FAM163A: variants seen among roughly 807,000 people sequenced by gnomAD.
FAM163A encodes the protein protein FAM163A.
In FAM163A, 7 loss-of-function variants were observed where a neutral mutation model predicts 12.0. The ratio of observed to expected loss-of-function variants is 0.58; its 90% CI spans 0.33 to 1.10. The LOEUF (loss-of-function observed/expected upper bound fraction) is 1.10. Among genes scored for constraint, FAM163A ranks in the 50% least tolerant of loss-of-function variants. The probability of loss-of-function intolerance (pLI) is 0.03; values close to 1 mark genes in which losing one functional copy is unlikely to be tolerated. For missense variants in FAM163A, 202 were observed against 218.6 expected, an observed-to-expected ratio of 0.92 and a Z score of 0.48; for synonymous variants, 101 against 91.0, an observed-to-expected ratio of 1.11 and a Z score of -0.62.
upstream of FAM163A, among the ~76,000 whole-genome samples, chr1:179,739,021 T>C (rs1683322636): frequency 6.6e-6 from 1 of 152,146 alleles, no homozygotes; most frequent in Non-Finnish European, 1.5e-5. Context: ...CCCACACAAC[T>C]ATGCCCAGCT....
At chr1:179,767,095 G>A (rs1402969747) in intron 1 of FAM163A, among the ~76,000 whole-genome samples, 9 of 152,024 alleles carry the variant, frequency 5.9e-5, no homozygotes, top group Admixed American at 3.9e-4. Flanking sequence ...AGTCCTCCCT[G>A]CCATCGTTCT....
At chr1:179,748,289 T>G (rs6662973) in intron 1 of FAM163A, among the ~76,000 whole-genome samples, 8,413 of 152,276 alleles carry the variant, frequency 0.055, 327 homozygotes, top group Middle Eastern at 0.092. Flanking sequence ...GGCAGCTGCT[T>G]TTTCTTGTGC....
At chr1:179,747,742 A>G (rs1684697966) in intron 1 of FAM163A, among the ~76,000 whole-genome samples, 1 of 152,236 alleles carries the variant, frequency 6.6e-6, no homozygotes, top group Non-Finnish European at 1.5e-5. Flanking sequence ...GTTTTGGGTT[A>G]TAACAGTATG....
intron 1 of FAM163A, among the ~76,000 whole-genome samples, chr1:179,778,213 G>A (rs779800779): frequency 2.6e-5 from 4 of 152,112 alleles, no homozygotes; most frequent in African/African-American, 4.8e-5. Context: ...AACTCTGAAC[G>A]TAGAACCCAG....
intron 1 of FAM163A, among the ~76,000 whole-genome samples, chr1:179,753,321 G>A (rs1685547072): frequency 1.3e-5 from 2 of 152,152 alleles, no homozygotes; most frequent in Non-Finnish European, 2.9e-5. Context: ...AGGGGGAGTT[G>A]GTAATCAATG....
chr1:179,813,963 G>A lies in FAM163A; in HGVS notation c.278G>A (p.Ser93Asn). The change falls in exon 5 of 5, where the codon AGC becomes AAC. Residue 93 changes from serine (S) to asparagine (N), a missense_variant. Ser to Asn is a conservative substitution (Grantham distance 46). Coordinates refer to ENST00000341785, the MANE Select transcript of FAM163A (RefSeq NM_173509.3). ...AGCCAGCCCTGTGGGGTGGCCGCGAGCCACTGCACTACCTGCTCCCCATAC... is the reference window on the plus strand; with the variant it reads ...AGCCAGCCCTGTGGGGTGGCCGCGAACCACTGCACTACCTGCTCCCCATAC... ...PCSQPCGVAASHCTTCSPYSS... is the reference protein window; with the variant it reads ...PCSQPCGVAANHCTTCSPYSS... The A allele has an allele frequency of 1.2e-6, 2 of 1,613,858 alleles. No individual in the cohort carries two copies. The highest frequency in any genetic ancestry group is 1.7e-6 in the Non-Finnish European group (2 of 1,179,940).
At chr1:179,793,155 C>G (rs1245457340) in intron 1 of FAM163A, among the ~76,000 whole-genome samples, 1 of 152,150 alleles carries the variant, frequency 6.6e-6, no homozygotes, top group Non-Finnish European at 1.5e-5. Flanking sequence ...GACAACTTCT[C>G]TTAGGCAGGC....
intron 2 of FAM163A, among the ~76,000 whole-genome samples, chr1:179,808,162 T>A (rs556058522): frequency 6.6e-6 from 1 of 152,216 alleles, no homozygotes; most frequent in South Asian, 2.1e-4. Flanking sequence ...TGTTAGAAAC[T>A]CCACAGCACT....
intron 1 of FAM163A, among the ~76,000 whole-genome samples, chr1:179,758,409 T>C (rs1686329637): frequency 6.6e-6 from 1 of 152,182 alleles, no homozygotes; most frequent in Admixed American, 6.5e-5. Flanking sequence ...TCAGAGAACA[T>C]GCTGAGAAAA....
chr1:179,777,694 T>C (rs775695329), intron 1 of FAM163A, among the ~76,000 whole-genome samples: 2 of 152,328 alleles, frequency 1.3e-5, no homozygotes, highest in Non-Finnish European at 2.9e-5. Flanking sequence ...TTTTTAAATA[T>C]GTAATGGTGT....
At chr1:179,808,292 T>A (rs961953308) in intron 2 of FAM163A, among the ~76,000 whole-genome samples, 2 of 152,258 alleles carry the variant, frequency 1.3e-5, no homozygotes, top group Non-Finnish European at 2.9e-5. Context: ...GTATTCGTTA[T>A]CTTTTGCTGC....
chr1:179,740,637 C>T (rs944326843), upstream of FAM163A, among the ~76,000 whole-genome samples: 4 of 152,052 alleles, frequency 2.6e-5, no homozygotes, highest in African/African-American at 9.7e-5. Context: ...CGAAAGGATA[C>T]AAATGATTTC....
In FAM163A at chr1:179,747,739, G is replaced by A. The variant is rs549631205; in HGVS notation, c.-136+4316G>A. Among the ~76,000 whole-genome samples, 6 of 152,310 alleles carry A rather than the reference G, an allele frequency of 3.9e-5. No homozygotes were observed. The South Asian group carries it at 1.0e-3, about 26-fold the overall frequency. The stretch of plus-strand genomic sequence containing the variant: ...TGGGTGCTTACAGACCTGGTTTTGG[G>A]TTATAACAGTATGTGGCTGAGCATT... On this transcript the variant is annotated intron_variant, in intron 1 of 4. Transcript: ENST00000341785.
the FAM163A span, among the ~76,000 whole-genome samples, chr1:179,737,936 G>A: frequency 6.6e-6 from 1 of 152,200 alleles, no homozygotes. Context: ...TTCGCAGTAT[G>A]TCCAAACTCA....
At chr1:179,797,826 C>T (rs1315096345) in intron 1 of FAM163A, among the ~76,000 whole-genome samples, 2 of 152,158 alleles carry the variant, frequency 1.3e-5, no homozygotes, top group African/African-American at 4.8e-5. Flanking sequence ...CTTGGACCTT[C>T]ACAAAGACAC....
chr1:179,789,460 G>T (rs1261614276), intron 1 of FAM163A, among the ~76,000 whole-genome samples: 1 of 152,246 alleles, frequency 6.6e-6, no homozygotes, highest in Non-Finnish European at 1.5e-5. Flanking sequence ...GGGATTACAG[G>T]CGTGAGCCAC....
At chr1:179,755,172 T>C (rs1685840897) in intron 1 of FAM163A, among the ~76,000 whole-genome samples, 1 of 94,338 alleles carries the variant, frequency 1.1e-5, no homozygotes, top group Non-Finnish European at 2.0e-5. Context: ...CTCTAAAGAA[T>C]TCTCCCACTC....
chr1:179,776,469 C>T (rs996261838), intron 1 of FAM163A, among the ~76,000 whole-genome samples: 9 of 149,278 alleles, frequency 6.0e-5, no homozygotes, highest in Admixed American at 1.3e-4. Context: ...CCAGCCAGGA[C>T]GAAAGAGCAA....
intron 1 of FAM163A, among the ~76,000 whole-genome samples, chr1:179,775,991 T>C (rs915152351): frequency 6.6e-6 from 1 of 152,200 alleles, no homozygotes; most frequent in Non-Finnish European, 1.5e-5. Context: ...CCTGAATGAA[T>C]TGATCAGATG....
Sources: allele counts gnomAD v4.1 joint callset (sites outside exome capture counted in the v4.1 genomes callset), GRCh38; gene constraint gnomAD v4.1.1; transcripts MANE v1.5; gene names NCBI Gene and HGNC (gene_info 2026-07-23, HGNC 2026-07-21).